OSMR: variants seen among roughly 807,000 people sequenced by gnomAD.
OSMR encodes the protein oncostatin-M-specific receptor subunit beta.
A neutral mutation model predicts 99.9 loss-of-function variants in OSMR; 81 were observed. That is an observed-to-expected ratio of 0.81 (90% CI 0.68 to 0.97). OSMR has a LOEUF of 0.97. Ranked by LOEUF, OSMR falls within the 50% of genes least tolerant of loss-of-function variation. The probability of loss-of-function intolerance (pLI) is 0.00; values close to 1 mark genes in which losing one functional copy is unlikely to be tolerated. For missense variants in OSMR, 1,099 were observed against 1,153.4 expected (o/e 0.95, Z 0.68); for synonymous variants, 406 against 410.4 (o/e 0.99, Z 0.13).
intron 9 of OSMR, among the ~76,000 whole-genome samples, chr5:38,912,591 G>C (rs1344940603): frequency 6.6e-6 from 1 of 151,810 alleles, no homozygotes; most frequent in Non-Finnish European, 1.5e-5. Context: ...AATTGATATG[G>C]AAACAAAAAA....
downstream of OSMR, chr5:38,939,389 G>A (rs1223815175): frequency 4.3e-6 from 1 of 232,042 alleles, no homozygotes; most frequent in Non-Finnish European, 8.5e-6. Context: ...TAATGTCACT[G>A]TCATATAGAA....
At chr5:38,940,685 T>C (rs1296013123) in intron 1 of OSMR, 1 of 232,752 alleles carries the variant, frequency 4.3e-6, no homozygotes, top group African/African-American at 2.2e-5. Context: ...ATAAGAACAA[T>C]TCACTGAAGT....
At chr5:38,862,756 C>A (rs1465137727) in intron 1 of OSMR, among the ~76,000 whole-genome samples, 2 of 148,660 alleles carry the variant, frequency 1.3e-5, no homozygotes, top group Non-Finnish European at 1.5e-5. Flanking sequence ...ACTTCCCAGA[C>A]GGGGTGGCGG....
intron 9 of OSMR, among the ~76,000 whole-genome samples, chr5:38,916,298 G>T (rs1304509010): frequency 1.3e-5 from 2 of 152,130 alleles, no homozygotes; most frequent in Non-Finnish European, 2.9e-5. Context: ...AACTTGTCAT[G>T]CAAGCTGAGC....
intron 3 of OSMR, 81 bp downstream of exon 3, chr5:38,876,454 A>C: frequency 8.2e-7 from 1 of 1,225,932 alleles, no homozygotes; most frequent in East Asian, 2.5e-5. Context: ...ACATCTGAAA[A>C]ATTCTCGTTT....
At chr5:38,881,797 G>C (rs1579695516) in intron 4 of OSMR, 33 bp downstream of exon 4, 1 of 1,566,820 alleles carries the variant, frequency 6.4e-7, no homozygotes, top group East Asian at 2.2e-5. Flanking sequence ...GAGTGAAAAG[G>C]GTTAATATAT....
chr5:38,929,315 GGTTT>G (rs1001980319), intron 15 of OSMR, among the ~76,000 whole-genome samples: 3 of 152,106 alleles, frequency 2.0e-5, no homozygotes, highest in African/African-American at 7.2e-5. Context: ...TTTGTAAATT[GGTTT>G]GTTAACTTTT....
At chr5:38,911,953 A>G (rs1475882994) in intron 9 of OSMR, among the ~76,000 whole-genome samples, 2 of 152,174 alleles carry the variant, frequency 1.3e-5, no homozygotes, top group Non-Finnish European at 2.9e-5. Context: ...CACAGCCAAC[A>G]TCATACTAAA....
Position 38,925,283 on chromosome 5 carries a change from CTTCTATGAGTTT to C in OSMR, c.2128_2139del (p.Tyr710_Phe713del). Reference sequence around the variant, plus strand: ...TTGTGGACAACCTAAAGCCAGAATCCTTCTATGAGTTTTTCATCACTCCATTCACTAGTGCTG... The same window carrying C: ...TTGTGGACAACCTAAAGCCAGAATCCTTCATCACTCCATTCACTAGTGCTG... On this transcript the variant is annotated inframe_deletion, in exon 15 of 18. Transcript: ENST00000274276. 6.2e-7 allele frequency: 1 copy of C among 1,614,038 alleles called. No homozygotes were observed. Among genetic ancestry groups the C allele is most frequent in the Non-Finnish European group, 8.5e-7 (1 of 1,179,976 alleles).
intron 15 of OSMR, among the ~76,000 whole-genome samples, chr5:38,931,384 C>T (rs932426758): frequency 6.6e-6 from 1 of 152,178 alleles, no homozygotes; most frequent in South Asian, 2.1e-4. Context: ...CATCTTCATT[C>T]TAGGGCTAAG....
chr5:38,921,374 GT>G, intron 11 of OSMR: 1 of 460,972 alleles, frequency 2.2e-6, no homozygotes, highest in Non-Finnish European at 2.8e-6. Flanking sequence ...CTGAAGTCTG[GT>G]TGGGCTTCAG....
intron 1 of OSMR, among the ~76,000 whole-genome samples, chr5:38,862,270 G>A (rs1287797358): frequency 2.9e-5 from 3 of 104,562 alleles, no homozygotes; most frequent in Admixed American, 8.6e-5. Flanking sequence ...CCTCCCGGAC[G>A]GGGCGGCTGG....
At position 38,933,274 on chromosome 5, in the gene OSMR, C is replaced by T; in HGVS notation, c.2770C>T (p.Pro924Ser). 3 of 1,614,162 alleles carry T rather than the reference C, an allele frequency of 1.9e-6. No homozygotes were observed. Among genetic ancestry groups the T allele is most frequent in the Non-Finnish European group, 2.5e-6 (3 of 1,180,004 alleles). ...GAATTATGTGTCCCAGTTGGCTTCACCCATGTTTGGAGACAAGGACAGTCT... is the reference window on the plus strand; with the variant it reads ...GAATTATGTGTCCCAGTTGGCTTCATCCATGTTTGGAGACAAGGACAGTCT... ...SLNYVSQLAS[P>S]MFGDKDSLPT... Residue 924 changes from proline (P) to serine (S), a missense_variant, in exon 18 of 18, where the codon CCC becomes TCC. Physicochemically the swap from Pro to Ser is moderately conservative, Grantham distance 74. Coordinates refer to ENST00000274276, the MANE Select transcript of OSMR (RefSeq NM_003999.3).
chr5:38,878,045 C>T (rs1413651635), intron 3 of OSMR, among the ~76,000 whole-genome samples: 1 of 152,088 alleles, frequency 6.6e-6, no homozygotes, highest in African/African-American at 2.4e-5. Flanking sequence ...GTGGAGAAAC[C>T]ACAGCACAGA....
downstream of OSMR, chr5:38,939,631 A>G: frequency 4.3e-6 from 1 of 231,610 alleles, no homozygotes; most frequent in Non-Finnish European, 8.5e-6. Context: ...AATTCACTTT[A>G]CGATTAGAAA....
At chr5:38,944,612 A>G in intron 2 of OSMR, 4 of 1,495,234 alleles carry the variant, frequency 2.7e-6, no homozygotes, top group Non-Finnish European at 3.6e-6. Context: ...TCTATGTCAC[A>G]ATAAAATGAT....
intron 9 of OSMR, among the ~76,000 whole-genome samples, chr5:38,912,734 A>G (rs1336830727): frequency 6.6e-6 from 1 of 152,208 alleles, no homozygotes; most frequent in East Asian, 1.9e-4. Flanking sequence ...AGTCACATAG[A>G]CCAATGAAGC....
intron 15 of OSMR, among the ~76,000 whole-genome samples, chr5:38,927,692 C>T (rs1023081948): frequency 9.8e-5 from 15 of 152,294 alleles, no homozygotes; most frequent in East Asian, 7.7e-4. Flanking sequence ...GGCCTGGAGA[C>T]ATTTTCTCCA....
chr5:38,924,350 A>G (rs1229742188), intron 13 of OSMR, 72 bp from the exon 14 acceptor site: 10 of 1,608,754 alleles, frequency 6.2e-6, no homozygotes, highest in Non-Finnish European at 6.8e-6. Context: ...TGGTTCTTCT[A>G]TTAGTTGACA....
Sources: gnomAD v4.1 joint callset for allele counts (sites outside exome capture counted in the v4.1 genomes callset) on GRCh38, gnomAD v4.1.1 for gene constraint, MANE v1.5 for transcripts, NCBI Gene and HGNC (gene_info 2026-07-23, HGNC 2026-07-21) for gene names.